The following PTPRG variants were observed in gnomAD, a reference collection of about 807,000 sequenced individuals.
PTPRG encodes the protein protein tyrosine phosphatase receptor type G.
PTPRG carries 102 observed loss-of-function variants against 165.3 expected under a neutral mutation model. The observed-to-expected ratio is 0.62, with a 90% CI of 0.53 to 0.73. The LOEUF (loss-of-function observed/expected upper bound fraction) is 0.73. PTPRG is among the 30% of genes least tolerant of loss of function. PTPRG has a pLI of 0.00. For synonymous variants in PTPRG, 675 were observed against 669.5 expected (o/e 1.01, Z -0.13); for missense variants, 1,866 against 1,861.4 (o/e 1.00, Z -0.05).
chr3:61,992,928 A>G (rs1231995180), intron 3 of PTPRG, among the ~76,000 whole-genome samples: 2 of 152,136 alleles, frequency 1.3e-5, no homozygotes, highest in African/African-American at 4.8e-5. Context: ...CAGCCTCCCA[A>G]AATGCTAGGA....
chr3:61,832,123 A>C (rs551522007), intron 2 of PTPRG, among the ~76,000 whole-genome samples: 1 of 152,340 alleles, frequency 6.6e-6, no homozygotes, highest in East Asian at 1.9e-4. Flanking sequence ...CAGCCTAACA[A>C]GAAGGGGGTG....
chr3:61,579,585 T>C (rs143526589), intron 1 of PTPRG, among the ~76,000 whole-genome samples: 13 of 152,246 alleles, frequency 8.5e-5, no homozygotes, highest in African/African-American at 1.4e-4. Flanking sequence ...AAATTTGCCC[T>C]GTATCACGTA....
At chr3:62,022,606 T>C (rs1407766495) in intron 4 of PTPRG, among the ~76,000 whole-genome samples, 1 of 152,166 alleles carries the variant, frequency 6.6e-6, no homozygotes, top group Non-Finnish European at 1.5e-5. Flanking sequence ...ATATCTAATG[T>C]TCTTATGAAT....
Position 62,008,130 on chromosome 3 carries a change from C to A in PTPRG, c.519+4633C>A, listed in dbSNP as rs182585296. ...ACTTTTTTCCTATTCCACACTCATT[C>A]CTGTTCTGTGGTTGGTAACTTAAAT... On this transcript the variant is annotated intron_variant, in intron 4 of 29. Transcript: ENST00000474889. 5.3e-5 allele frequency among the ~76,000 whole-genome samples: 8 copies of A among 152,308 alleles called. No homozygotes were observed. In the East Asian group the frequency reaches 1.5e-3, roughly 29 times the overall value.
chr3:62,277,816 A>G, intron 26 of PTPRG, 137 bp downstream of exon 26: 1 of 1,051,516 alleles, frequency 9.5e-7, no homozygotes, highest in South Asian at 1.7e-5. Flanking sequence ...CTCATCTTGA[A>G]GTCTGTGGAG....
intron 1 of PTPRG, among the ~76,000 whole-genome samples, chr3:61,586,773 C>G (rs1700445823): frequency 6.6e-6 from 1 of 152,220 alleles, no homozygotes; most frequent in Non-Finnish European, 1.5e-5. Flanking sequence ...ATCTACTTGG[C>G]TTCTTTGACT....
intron 14 of PTPRG, among the ~76,000 whole-genome samples, chr3:62,238,891 TA>T (rs1467823934): frequency 4.6e-5 from 7 of 151,936 alleles, no homozygotes; most frequent in Admixed American, 2.0e-4. Context: ...AATTGTACAA[TA>T]GGGGGAAGTA....
At chr3:62,140,384 T>C (rs768189634) in intron 6 of PTPRG, among the ~76,000 whole-genome samples, 3 of 152,302 alleles carry the variant, frequency 2.0e-5, no homozygotes, top group Middle Eastern at 3.4e-3. Flanking sequence ...AACACAGATA[T>C]AGAAGTTATA....
At chr3:62,149,465 C>T (rs557689524) in intron 6 of PTPRG, among the ~76,000 whole-genome samples, 23 of 152,188 alleles carry the variant, frequency 1.5e-4, no homozygotes, top group African/African-American at 4.8e-4. Context: ...GATGTGGTTT[C>T]GCCAAGTTGG....
intron 2 of PTPRG, among the ~76,000 whole-genome samples, chr3:61,915,150 A>G (rs954598741): frequency 6.6e-6 from 1 of 152,066 alleles, no homozygotes; most frequent in Non-Finnish European, 1.5e-5. Context: ...AATCGCTTGA[A>G]CCCAGGTGGC....
At chr3:62,017,232 T>C (rs1270152463) in intron 4 of PTPRG, among the ~76,000 whole-genome samples, 1 of 152,164 alleles carries the variant, frequency 6.6e-6, no homozygotes, top group Non-Finnish European at 1.5e-5. Context: ...GAAACTCTAA[T>C]TCCTGAGAAT....
chr3:61,614,161 C>G (rs910922321), intron 1 of PTPRG, among the ~76,000 whole-genome samples: 2 of 152,156 alleles, frequency 1.3e-5, no homozygotes, highest in Admixed American at 6.5e-5. Flanking sequence ...CTCACTCACT[C>G]ACTAGCTCCA....
In PTPRG at chr3:62,161,909, C is replaced by T. The variant is rs111418842; in HGVS notation, c.840+4685C>T. Among the ~76,000 whole-genome samples the T allele has an allele frequency of 2.0e-3, 309 of 152,320 alleles. 1 individual carries two copies. In the Middle Eastern group the frequency reaches 0.065, roughly 32 times the overall value. On this transcript the variant is annotated intron_variant, in intron 7 of 29. Coordinates refer to ENST00000474889, the MANE Select transcript of PTPRG (RefSeq NM_002841.4). ...TGTGTGGTGAAGCTAAAATAATCTC[C>T]ATGACCTTAGGTGAGATTTTCCAGT... is the stretch of plus-strand genomic sequence containing the variant.
At chr3:62,278,013 G>C (rs573943060) in intron 26 of PTPRG, among the ~76,000 whole-genome samples, 1 of 152,180 alleles carries the variant, frequency 6.6e-6, no homozygotes, top group South Asian at 2.1e-4. Flanking sequence ...CTTTTGAAAA[G>C]TAAATAATTG....
intron 1 of PTPRG, among the ~76,000 whole-genome samples, chr3:61,601,450 A>C (rs182900772): frequency 9.9e-5 from 15 of 152,204 alleles, no homozygotes; most frequent in Admixed American, 9.8e-4. Flanking sequence ...TATCTAGAGG[A>C]AAATTGCAAC....
chr3:62,235,034 A>T (rs1700996166), intron 14 of PTPRG, among the ~76,000 whole-genome samples: 1 of 152,034 alleles, frequency 6.6e-6, no homozygotes, highest in Admixed American at 6.5e-5. Flanking sequence ...TTAAAATATC[A>T]CTCACAGCAA....
At chr3:61,967,984 C>T (rs28454236) in intron 2 of PTPRG, among the ~76,000 whole-genome samples, 36,633 of 151,798 alleles carry the variant, frequency 0.24, 5,045 homozygotes, top group African/African-American at 0.37. Flanking sequence ...GGTCCTCTGG[C>T]GGGGAGATAA....
intron 1 of PTPRG, among the ~76,000 whole-genome samples, chr3:61,674,239 G>C (rs1223648055): frequency 2.0e-5 from 3 of 151,738 alleles, no homozygotes; most frequent in African/African-American, 7.3e-5. Context: ...ATGTCTCAGA[G>C]ATGGACATGT....
At chr3:61,859,792 A>G (rs2037210580) in intron 2 of PTPRG, among the ~76,000 whole-genome samples, 1 of 152,190 alleles carries the variant, frequency 6.6e-6, no homozygotes, top group Non-Finnish European at 1.5e-5. Flanking sequence ...TTAATAAAAT[A>G]CTGCTGCCCA....
Sources: allele counts gnomAD v4.1 joint callset (sites outside exome capture counted in the v4.1 genomes callset), GRCh38; gene constraint gnomAD v4.1.1; transcripts MANE v1.5; gene names NCBI Gene and HGNC (gene_info 2026-07-23, HGNC 2026-07-21).